KALRN: variants seen among roughly 807,000 people sequenced by gnomAD.
KALRN encodes kalirin RhoGEF kinase, also known as kalirin.
Under a neutral mutation model 353.7 loss-of-function variants are expected in KALRN, and 70 were observed. The observed-to-expected ratio is 0.20, with a 90% CI of 0.16 to 0.24. The LOEUF is 0.24. Ranked by LOEUF, KALRN falls within the 10% of genes least tolerant of loss-of-function variation. The pLI is 1.00. For synonymous variants in KALRN, 1,391 were observed against 1,434.8 expected (o/e 0.97, Z 0.69); for missense variants, 2,791 against 3,756.7 (o/e 0.74, Z 6.72).
At chr3:124,097,708 C>T (rs2061547168) in intron 1 of KALRN, among the ~76,000 whole-genome samples, 1 of 152,128 alleles carries the variant, frequency 6.6e-6, no homozygotes, top group Non-Finnish European at 1.5e-5. Flanking sequence ...CTTTTGTCTC[C>T]CCTATCACTG....
Position 124,693,743 on chromosome 3 carries a change from C to T in KALRN, c.7378-61C>T, listed in dbSNP as rs371964579. On this transcript the variant is annotated intron_variant, in intron 51 of 59. Coordinates refer to ENST00000682506, the MANE Select transcript of KALRN (RefSeq NM_001388419.1). ...TTCTTTTTACTCAATACGGTGAAGTCCCTTGTTCTCTTTTAGTAGTTTAGG... is the reference window on the plus strand; with the variant it reads ...TTCTTTTTACTCAATACGGTGAAGTTCCTTGTTCTCTTTTAGTAGTTTAGG... 233 of 1,142,920 alleles carry T rather than the reference C, an allele frequency of 2.0e-4. 3 individuals carry two copies. The highest frequency in any genetic ancestry group is 7.9e-4 in the South Asian group (56 of 71,306). 70.8% of individuals were successfully genotyped at this position (1,142,920 alleles called of 1,614,324 possible).
chr3:124,385,097 TA>T, intron 11 of KALRN, 61 bp downstream of exon 11: 1 of 1,451,630 alleles, frequency 6.9e-7, no homozygotes, highest in Non-Finnish European at 9.3e-7. Context: ...GGCTTCCTAG[TA>T]AAATGGCCCT....
Position 124,413,663 on chromosome 3 carries a change from C to T in KALRN, c.2540C>T (p.Ser847Leu). Residue 847 changes from serine to leucine, a missense_variant and splice_region_variant, in exon 14 of 60, where the codon TCA (serine) becomes TTA (leucine). Physicochemically the swap from Ser to Leu is moderately radical, Grantham distance 145. Transcript: ENST00000682506. ...CAGTACATCACGGAGGTCCAGGCAT[C>T]AGGTGGGTGACCTCGCTCATTCTCC... Reference protein sequence around the residue: ...LHQYITEVQASGIELICEKDI... With the variant: ...LHQYITEVQALGIELICEKDI... 6.2e-7 allele frequency: 1 copy of T among 1,612,722 alleles called. No individual in the cohort carries two copies. The highest frequency in any genetic ancestry group is 1.1e-5 in the South Asian group (1 of 90,852).
intron 9 of KALRN, among the ~76,000 whole-genome samples, chr3:124,345,934 C>T (rs2082213582): frequency 6.6e-6 from 1 of 152,218 alleles, no homozygotes; most frequent in Non-Finnish European, 1.5e-5. Flanking sequence ...GTTTGAGACA[C>T]AGGAATGAGT....
Position 124,334,777 on chromosome 3 carries a change from G to A in KALRN, c.1647+282G>A, listed in dbSNP as rs1253619417. 6.6e-6 allele frequency among the ~76,000 whole-genome samples: 1 copy of A among 152,176 alleles called. No homozygotes were observed. The highest frequency in any genetic ancestry group is 1.5e-5 in the Non-Finnish European group (1 of 68,028). ...AGGAACTGCAATTCCTCGTAGTCAT[G>A]TGGCACATTTTTCTTTTGTTTTGTT... On this transcript the variant is annotated intron_variant, in intron 9 of 59. Coordinates refer to ENST00000682506, the MANE Select transcript of KALRN (RefSeq NM_001388419.1). The surrounding 1 kb of genome is among the most constrained non-coding windows in gnomAD (Gnocchi z 4.2).
chr3:124,577,445 G>A (rs2074223540), intron 34 of KALRN, among the ~76,000 whole-genome samples: 1 of 152,144 alleles, frequency 6.6e-6, no homozygotes, highest in Non-Finnish European at 1.5e-5. Flanking sequence ...GTGGTGCAGT[G>A]GTTAGACCAC....
intron 1 of KALRN, among the ~76,000 whole-genome samples, chr3:124,210,986 C>T (rs1184158326): frequency 6.6e-6 from 1 of 152,210 alleles, no homozygotes; most frequent in Admixed American, 6.5e-5. Flanking sequence ...TCTCTGGAGG[C>T]AGCACATTTC....
chr3:124,673,949 G>A (rs60912009), intron 48 of KALRN, among the ~76,000 whole-genome samples: 4 of 151,904 alleles, frequency 2.6e-5, no homozygotes, highest in Non-Finnish European at 5.9e-5. Flanking sequence ...CAAACAATCC[G>A]TGTTCTTTCC....
At chr3:124,205,609 T>C (rs1239719855) in intron 1 of KALRN, among the ~76,000 whole-genome samples, 2 of 152,140 alleles carry the variant, frequency 1.3e-5, no homozygotes, top group African/African-American at 2.4e-5. Context: ...GAGTAGAAGA[T>C]AGCGGGAGAG....
At chr3:124,503,006 C>G (rs2064782883) in intron 33 of KALRN, among the ~76,000 whole-genome samples, 1 of 152,174 alleles carries the variant, frequency 6.6e-6, no homozygotes, top group African/African-American at 2.4e-5. Context: ...GCACCACACA[C>G]TGGAGATCCA....
intron 13 of KALRN, among the ~76,000 whole-genome samples, chr3:124,410,962 G>A (rs1051188175): frequency 6.6e-6 from 1 of 152,160 alleles, no homozygotes; most frequent in Non-Finnish European, 1.5e-5. Context: ...TCATTAGGAG[G>A]AGAATGGATA....
At chr3:124,097,825 T>C (rs1282560239) in intron 1 of KALRN, among the ~76,000 whole-genome samples, 1 of 152,242 alleles carries the variant, frequency 6.6e-6, no homozygotes, top group Non-Finnish European at 1.5e-5. Context: ...TGTTCAGACA[T>C]TATTTTGATG....
At chr3:124,182,804 G>A (rs1201495307) in intron 1 of KALRN, among the ~76,000 whole-genome samples, 1 of 152,156 alleles carries the variant, frequency 6.6e-6, no homozygotes, top group Non-Finnish European at 1.5e-5. Flanking sequence ...TGAAAGATGT[G>A]CTTTATGCCT....
intron 33 of KALRN, among the ~76,000 whole-genome samples, chr3:124,549,056 C>T (rs534772110): frequency 1.1e-4 from 17 of 152,220 alleles, no homozygotes; most frequent in African/African-American, 3.4e-4. Context: ...ATATTATTGA[C>T]GAGGAACTGA....
At chr3:124,682,370 T>C (rs1418252282) in intron 51 of KALRN, among the ~76,000 whole-genome samples, 3 of 152,190 alleles carry the variant, frequency 2.0e-5, no homozygotes, top group Non-Finnish European at 1.5e-5. Context: ...CTTAGTGAGC[T>C]GAATCCTGTG....
At chr3:124,576,789 A>G (rs1016813501) in intron 34 of KALRN, among the ~76,000 whole-genome samples, 7 of 152,236 alleles carry the variant, frequency 4.6e-5, no homozygotes, top group Non-Finnish European at 8.8e-5. Flanking sequence ...TGGCGTTGGC[A>G]GAATTAAAAT....
intron 17 of KALRN, among the ~76,000 whole-genome samples, chr3:124,435,288 G>C (rs2093421831): frequency 6.6e-6 from 1 of 152,138 alleles, no homozygotes; most frequent in East Asian, 1.9e-4. Context: ...CAGTCTAATG[G>C]AGGAAACACA....
At chr3:124,412,313 C>G (rs1403130089) in intron 13 of KALRN, among the ~76,000 whole-genome samples, 2 of 152,158 alleles carry the variant, frequency 1.3e-5, no homozygotes, top group Non-Finnish European at 2.9e-5. Context: ...ATCATGAAAA[C>G]CACTCAACTA....
chr3:124,589,061 A>T (rs768730120), intron 34 of KALRN, among the ~76,000 whole-genome samples: 1 of 152,086 alleles, frequency 6.6e-6, no homozygotes, highest in African/African-American at 2.4e-5. Context: ...CTCTGATGTC[A>T]TGGGCTTTGG....
Sources: allele counts gnomAD v4.1 joint callset (sites outside exome capture counted in the v4.1 genomes callset), GRCh38; gene constraint gnomAD v4.1.1; non-coding constraint Gnocchi (gnomAD v3.1); transcripts MANE v1.5; gene names NCBI Gene and HGNC (gene_info 2026-07-23, HGNC 2026-07-21).